SLC7A6: variants seen among roughly 807,000 people sequenced by gnomAD.
SLC7A6 encodes the protein solute carrier family 7 member 6.
SLC7A6 carries 29 observed loss-of-function variants against 46.6 expected under a neutral mutation model. The ratio of observed to expected loss-of-function variants is 0.62; its 90% CI spans 0.46 to 0.85. The LOEUF (loss-of-function observed/expected upper bound fraction) is 0.85. SLC7A6 is among the 40% of genes least tolerant of loss of function. The pLI is 0.00. For synonymous variants in SLC7A6, 276 were observed against 257.3 expected, an observed-to-expected ratio of 1.07 and a Z score of -0.70; for missense variants, 527 against 647.6, an observed-to-expected ratio of 0.81 and a Z score of 2.02.
At chr16:68,292,716 T>G (rs2043081749) in intron 7 of SLC7A6, 2 of 152,138 alleles carry the variant, frequency 1.3e-5, no homozygotes, top group African/African-American at 4.8e-5. Flanking sequence ...TTTCATTCAT[T>G]TTCCCATCTG....
intron 2 of SLC7A6, among the ~76,000 whole-genome samples, 199 bp from the exon 3 acceptor site, chr16:68,274,492 G>C (rs2042674194): frequency 6.6e-6 from 1 of 152,162 alleles, no homozygotes; most frequent in African/African-American, 2.4e-5. Context: ...GAGCTCTCAT[G>C]GTGTCTTTCT....
At position 68,299,251 on chromosome 16, in the gene SLC7A6, C is replaced by G. The variant is rs2043226973; in HGVS notation, c.*1923C>G. 6.5e-6 allele frequency: 1 copy of G among 152,738 alleles called. No individual in the cohort carries two copies. Among genetic ancestry groups the G allele is most frequent in the African/African-American group, 2.4e-5 (1 of 41,560 alleles). The allele number at this position is 152,738 out of a possible 1,614,324, so 9.5% of individuals were successfully genotyped here. ...AAAATGTGCTTGCCTTTTAAAGATC[C>G]CTGACCCCAGCTTTAGCTTTCTCCA... On this transcript the variant is annotated 3_prime_UTR_variant, in exon 11 of 11. Transcript: ENST00000219343.
intron 3 of SLC7A6, among the ~76,000 whole-genome samples, chr16:68,280,409 C>T (rs2042808594): frequency 6.6e-6 from 1 of 152,164 alleles, no homozygotes; most frequent in Admixed American, 6.5e-5. Context: ...GTGAGCCAGA[C>T]TTGGGCCCCA....
intron 2 of SLC7A6, 41 bp from the exon 3 acceptor site, chr16:68,274,650 C>T (rs1056647045): frequency 1.3e-6 from 2 of 1,545,728 alleles, no homozygotes; most frequent in African/African-American, 1.4e-5. Context: ...AGAGCCTCAC[C>T]AGCTCCTGCC....
At chr16:68,283,218 A>G (rs1323162394) in intron 3 of SLC7A6, among the ~76,000 whole-genome samples, 1 of 152,250 alleles carries the variant, frequency 6.6e-6, no homozygotes, top group Non-Finnish European at 1.5e-5. Context: ...GCATGGCTCA[A>G]ACATGTTGAT....
rs1194908063 is a variant in SLC7A6, at chr16:68,297,609, T to C, written c.*281T>C. The C allele has an allele frequency of 3.0e-6, 1 of 328,568 alleles. No homozygotes were observed. Among genetic ancestry groups the C allele is most frequent in the Non-Finnish European group, 5.6e-6 (1 of 178,688 alleles). The allele number at this position is 328,568 out of a possible 1,614,324, so 20.4% of individuals were successfully genotyped here. On this transcript the variant is annotated 3_prime_UTR_variant, in exon 11 of 11. Transcript: ENST00000219343. The stretch of plus-strand genomic sequence containing the variant: ...TAGGTAGATGCAGCTCTTACAGATA[T>C]TTACTTGGTAAAGTGCAGTGGGGAA...
intron 10 of SLC7A6, 46 bp downstream of exon 10, chr16:68,296,856 T>C (rs764869973): frequency 5.0e-6 from 8 of 1,601,292 alleles, no homozygotes; most frequent in Admixed American, 1.7e-5. Flanking sequence ...TATGTGTGCA[T>C]GCGCATGCAG....
At chr16:68,278,787 G>A (rs2042769277) in intron 3 of SLC7A6, among the ~76,000 whole-genome samples, 1 of 151,986 alleles carries the variant, frequency 6.6e-6, no homozygotes, top group Non-Finnish European at 1.5e-5. Flanking sequence ...CGACAAAACC[G>A]CCATCGTCAT....
At chr16:68,274,598 C>A in intron 2 of SLC7A6, 93 bp from the exon 3 acceptor site, 2 of 1,030,470 alleles carry the variant, frequency 1.9e-6, no homozygotes, top group Non-Finnish European at 2.8e-6. Flanking sequence ...GCATGGCATG[C>A]TGTCCCTAAA....
Position 68,291,631 on chromosome 16 carries a change from G to A in SLC7A6, c.992G>A (p.Gly331Asp). 6.2e-7 allele frequency: 1 copy of A among 1,614,084 alleles called. No homozygotes were observed. Among genetic ancestry groups the A allele is most frequent in the Non-Finnish European group, 8.5e-7 (1 of 1,179,970 alleles). The change falls in exon 7 of 11, where the codon GGC becomes GAC. Residue 331 changes from glycine to aspartate, a missense_variant. Gly to Asp is a moderately conservative substitution (Grantham distance 94). Transcript: ENST00000219343. ...GCTGTTGCCCTGTCCTGCTTTGGGG[G>A]CCTCAATGCATCCATCTTTGCTTCA... ...PIAVALSCFG[G>D]LNASIFASSR...
intron 4 of SLC7A6, among the ~76,000 whole-genome samples, chr16:68,289,387 T>C (rs2043002873): frequency 6.6e-6 from 1 of 152,220 alleles, no homozygotes; most frequent in African/African-American, 2.4e-5. Flanking sequence ...TTAGTAGAGC[T>C]AGCCATGTGG....
rs941610213 is a variant in SLC7A6, at chr16:68,299,806, T to G, written c.*2478T>G. The G allele has an allele frequency of 6.6e-6, 1 of 152,186 alleles. No homozygotes were observed. The highest frequency in any genetic ancestry group is 1.5e-5 in the Non-Finnish European group (1 of 68,032). The allele number at this position is 152,186 out of a possible 1,614,324, so 9.4% of individuals were successfully genotyped here. On this transcript the variant is annotated 3_prime_UTR_variant, in exon 11 of 11. Coordinates refer to ENST00000219343, the MANE Select transcript of SLC7A6 (RefSeq NM_003983.6). Reference sequence around the variant, plus strand: ...CCTGTTATAACGGTGAATTATACCTTTGTGCATGCCTAGGATGTTTGTTGT... The same window carrying G: ...CCTGTTATAACGGTGAATTATACCTGTGTGCATGCCTAGGATGTTTGTTGT...
At chr16:68,266,036 G>C (rs1399763961) in intron 1 of SLC7A6, among the ~76,000 whole-genome samples, 3 of 151,952 alleles carry the variant, frequency 2.0e-5, no homozygotes, top group Non-Finnish European at 4.4e-5. Context: ...CGAGGCAGGC[G>C]GATCACGGGG....
In SLC7A6 at chr16:68,291,346, G is replaced by A; in HGVS notation, c.918+14G>A. 1 of 1,613,470 alleles carries A rather than the reference G, an allele frequency of 6.2e-7. No homozygotes were observed. Among genetic ancestry groups the A allele is most frequent in the Non-Finnish European group, 8.5e-7 (1 of 1,179,656 alleles). On this transcript the variant is annotated intron_variant, in intron 6 of 10. Transcript: ENST00000219343. Reference sequence around the variant, plus strand: ...GCTGTGGCTGTGGTGAGTCTCTTGGGATCCCCATTTGTTCATCATCTCCTG... The same window carrying A: ...GCTGTGGCTGTGGTGAGTCTCTTGGAATCCCCATTTGTTCATCATCTCCTG...
At chr16:68,290,618 TCTC>T (rs1375794647) in intron 5 of SLC7A6, 78 bp downstream of exon 5, 114 of 1,535,748 alleles carry the variant, frequency 7.4e-5, no homozygotes, top group South Asian at 2.7e-4. Flanking sequence ...CCCTCATCCT[TCTC>T]CTCCTCCCTC....
At position 68,301,235 on chromosome 16, in the gene SLC7A6, C is replaced by T. The variant is rs761441585; in HGVS notation, c.*3907C>T. On this transcript the variant is annotated 3_prime_UTR_variant, in exon 11 of 11. Coordinates refer to ENST00000219343, the MANE Select transcript of SLC7A6 (RefSeq NM_003983.6). ...CAGTTAACTCTGGACTCAGAGCCCT[C>T]AAGGGCATGTGGCAGAACCTCATGG... 1 of 1,601,632 alleles carries T rather than the reference C, an allele frequency of 6.2e-7. No individual in the cohort carries two copies. The highest frequency in any genetic ancestry group is 8.5e-7 in the Non-Finnish European group (1 of 1,172,302).
At chr16:68,274,623 G>C in intron 2 of SLC7A6, 68 bp from the exon 3 acceptor site, 1 of 1,374,416 alleles carries the variant, frequency 7.3e-7, no homozygotes, top group Non-Finnish European at 1.0e-6. Context: ...AAGTGGGCAG[G>C]GAAATCTGGT....
chr16:68,290,596 T>C, intron 5 of SLC7A6, 56 bp downstream of exon 5: 2 of 1,598,504 alleles, frequency 1.3e-6, no homozygotes, highest in Non-Finnish European at 1.7e-6. Flanking sequence ...CTGCTGATAG[T>C]GGGCGTGCCT....
Position 68,275,093 on chromosome 16 carries a change from A to C in SLC7A6, c.367A>C (p.Ile123Leu). 1.2e-6 allele frequency: 2 copies of C among 1,614,136 alleles called. No homozygotes were observed. Among genetic ancestry groups the C allele is most frequent in the Non-Finnish European group, 1.7e-6 (2 of 1,180,036 alleles). Residue 123 changes from isoleucine (I) to leucine (L), a missense_variant, in exon 3 of 11, where the codon ATT (isoleucine) becomes CTT (leucine). Ile to Leu is a conservative substitution (Grantham distance 5, BLOSUM62 2). Transcript: ENST00000219343. The stretch of plus-strand genomic sequence containing the variant: ...TATTCTAGAGGCCTTTGGGGGCTTC[A>C]TTGCCTTCATCCGCCTGTGGGTCTC... ...AYILEAFGGF[I>L]AFIRLWVSLL... is the part of the protein sequence containing the mutation.
Sources: allele counts gnomAD v4.1 joint callset (sites outside exome capture counted in the v4.1 genomes callset), GRCh38; gene constraint gnomAD v4.1.1; transcripts MANE v1.5; gene names NCBI Gene and HGNC (gene_info 2026-07-23, HGNC 2026-07-21).